DENND2B: variants seen among roughly 807,000 people sequenced by gnomAD.
The protein encoded by DENND2B is DENN domain containing 2B.
Under a neutral mutation model 116.0 loss-of-function variants are expected in DENND2B, and 32 were observed. The ratio of observed to expected loss-of-function variants is 0.28; its 90% CI spans 0.21 to 0.37. DENND2B has a LOEUF of 0.37. Among genes scored for constraint, DENND2B ranks in the 10% least tolerant of loss-of-function variants. DENND2B has a pLI of 1.00. For missense variants in DENND2B, 1,276 were observed against 1,477.7 expected (o/e 0.86, Z 2.24); for synonymous variants, 588 against 583.9 (o/e 1.01, Z -0.10).
At chr11:8,751,022 G>A (rs887775337) in intron 1 of DENND2B, among the ~76,000 whole-genome samples, 5 of 152,194 alleles carry the variant, frequency 3.3e-5, no homozygotes, top group African/African-American at 1.2e-4. Flanking sequence ...CTCAGGGTTT[G>A]TGGATGCACC....
At chr11:8,700,355 T>C (rs1046981245) in intron 14 of DENND2B, among the ~76,000 whole-genome samples, 3 of 152,164 alleles carry the variant, frequency 2.0e-5, no homozygotes, top group Admixed American at 6.5e-5. Context: ...CACAGAAGCA[T>C]TGAGGCTGTG....
intron 13 of DENND2B, among the ~76,000 whole-genome samples, chr11:8,706,353 C>T (rs1160542984): frequency 6.6e-6 from 1 of 152,176 alleles, no homozygotes; most frequent in African/African-American, 2.4e-5. Context: ...GCAGGGACAT[C>T]GTGATTGGGT....
intron 2 of DENND2B, among the ~76,000 whole-genome samples, chr11:8,880,062 C>T (rs1374634668): frequency 6.6e-6 from 1 of 152,142 alleles, no homozygotes; most frequent in East Asian, 1.9e-4. Context: ...TAAGCAGCAG[C>T]CTACCCCAAC....
At chr11:8,757,288 A>T (rs1022635876) in intron 1 of DENND2B, 1 of 360,004 alleles carries the variant, frequency 2.8e-6, no homozygotes, top group African/African-American at 2.1e-5. Flanking sequence ...GTTCTTCCAG[A>T]TCACACTTCC....
chr11:8,712,494 CGGATAGA>C lies in DENND2B; in HGVS notation c.2172+50_2172+56del. ...TCTCTCCTTCCCCAGATAGGCCTGG[CGGATAGA>C]GGATGGAAGAGGGGGAATATGGGCA... is the stretch of plus-strand genomic sequence containing the variant. On this transcript the variant is annotated intron_variant, in intron 9 of 19. Coordinates refer to ENST00000313726, the MANE Select transcript of DENND2B (RefSeq NM_213618.2). The surrounding 1 kb of genome is among the most constrained non-coding windows in gnomAD (Gnocchi z 4.4). 1.3e-6 allele frequency: 2 copies of C among 1,499,602 alleles called. No individual in the cohort carries two copies. Among genetic ancestry groups the C allele is most frequent in the Non-Finnish European group, 1.8e-6 (2 of 1,111,898 alleles). 92.9% of individuals were successfully genotyped at this position (1,499,602 alleles called of 1,614,324 possible).
intron 4 of DENND2B, among the ~76,000 whole-genome samples, chr11:8,820,858 A>C (rs976207696): frequency 5.3e-5 from 8 of 152,214 alleles, no homozygotes; most frequent in Admixed American, 2.0e-4. Flanking sequence ...GCAGCGGCTC[A>C]CATCTGTAAT....
intron 2 of DENND2B, among the ~76,000 whole-genome samples, chr11:8,737,330 G>A (rs1305939261): frequency 6.6e-6 from 1 of 152,202 alleles, no homozygotes; most frequent in Non-Finnish European, 1.5e-5. Context: ...CGATTGAGAA[G>A]AGGATTTAGT....
intron 2 of DENND2B, among the ~76,000 whole-genome samples, chr11:8,868,683 G>C (rs907634488): frequency 1.3e-5 from 2 of 152,336 alleles, no homozygotes; most frequent in African/African-American, 2.4e-5. Flanking sequence ...AGAGAGAGCT[G>C]GCAGGTGGCA....
chr11:8,870,644 C>G (rs545338786), intron 2 of DENND2B, among the ~76,000 whole-genome samples: 1 of 152,012 alleles, frequency 6.6e-6, no homozygotes, highest in Non-Finnish European at 1.5e-5. Context: ...CCAGGACGTC[C>G]CGAGATCGGG....
intron 4 of DENND2B, among the ~76,000 whole-genome samples, chr11:8,836,793 C>T (rs2062446739): frequency 6.6e-6 from 1 of 152,200 alleles, no homozygotes; most frequent in Non-Finnish European, 1.5e-5. Context: ...CAGCTCACTG[C>T]AGTCTCGACC....
intron 3 of DENND2B, among the ~76,000 whole-genome samples, chr11:8,843,860 T>C (rs2062711580): frequency 6.6e-6 from 1 of 152,158 alleles, no homozygotes; most frequent in Non-Finnish European, 1.5e-5. Context: ...TCCCTCAAGA[T>C]GCCGCTCCCA....
intron 1 of DENND2B, among the ~76,000 whole-genome samples, chr11:8,798,732 T>C (rs1565973444): frequency 6.6e-6 from 1 of 151,962 alleles, no homozygotes. Flanking sequence ...TACCAAACAG[T>C]TGTGGGTCCT....
chr11:8,752,179 G>A (rs528048121), intron 1 of DENND2B, among the ~76,000 whole-genome samples: 1 of 152,218 alleles, frequency 6.6e-6, no homozygotes, highest in Non-Finnish European at 1.5e-5. Context: ...TGAGCCGGGC[G>A]TGGTGGCTCA....
chr11:8,881,033 T>TCATCTCATGTCTTCCTGTTTCCTG (rs2063899219), exon 2 of DENND2B: 1 of 152,214 alleles, frequency 6.6e-6, no homozygotes, highest in Admixed American at 6.5e-5. Flanking sequence ...CCTGTTTCCT[T>TCATCTCATGTCTTCCTGTTTCCTG]CATCTCATGT....
intron 3 of DENND2B, among the ~76,000 whole-genome samples, chr11:8,728,577 T>C (rs2047538256): frequency 1.1e-5 from 1 of 92,822 alleles, no homozygotes. Context: ...TGTAAAACCT[T>C]CAGGCTGATG....
intron 5 of DENND2B, among the ~76,000 whole-genome samples, chr11:8,716,062 A>C (rs1228899674): frequency 6.6e-6 from 1 of 152,238 alleles, no homozygotes; most frequent in Non-Finnish European, 1.5e-5. Context: ...AGCAGAGGCT[A>C]AAAACACCTG....
At chr11:8,826,843 T>C (rs2134566436) in intron 4 of DENND2B, among the ~76,000 whole-genome samples, 1 of 152,326 alleles carries the variant, frequency 6.6e-6, no homozygotes, top group South Asian at 2.1e-4. Context: ...AAGAGGTCCT[T>C]ATGAATGTTC....
At chr11:8,694,698 G>A (rs927753401) in intron 19 of DENND2B, 1 of 455,236 alleles carries the variant, frequency 2.2e-6, no homozygotes, top group African/African-American at 2.0e-5. Context: ...AAAATGGATG[G>A]TGGTGTCTGT....
intron 1 of DENND2B, among the ~76,000 whole-genome samples, chr11:8,795,849 C>G (rs1373614848): frequency 2.0e-5 from 3 of 152,216 alleles, no homozygotes; most frequent in African/African-American, 7.2e-5. Flanking sequence ...CTGTGTGTCC[C>G]TGCTCATGGC....
Sources: gnomAD v4.1 joint callset for allele counts (sites outside exome capture counted in the v4.1 genomes callset) on GRCh38, gnomAD v4.1.1 for gene constraint, Gnocchi (gnomAD v3.1) non-coding constraint, MANE v1.5 for transcripts, NCBI Gene and HGNC (gene_info 2026-07-23, HGNC 2026-07-21) for gene names.